Variants in GBE1 observed in about 807,000 individuals in gnomAD.
The protein encoded by GBE1 is 1,4-alpha-glucan branching enzyme 1, also known as 1,4-alpha-glucan-branching enzyme.
GBE1 carries 70 observed loss-of-function variants against 88.8 expected under a neutral mutation model. The ratio of observed to expected loss-of-function variants is 0.79; its 90% CI spans 0.65 to 0.96. The LOEUF (loss-of-function observed/expected upper bound fraction) is 0.96. Ranked by LOEUF, GBE1 falls within the 40% of genes least tolerant of loss-of-function variation. GBE1 has a pLI of 0.00. For synonymous variants in GBE1, 284 were observed against 300.1 expected (o/e 0.95, Z 0.56); for missense variants, 872 against 871.0 (o/e 1.00, Z -0.01).
At chr3:81,584,163 T>C (rs1334015886) in intron 10 of GBE1, among the ~76,000 whole-genome samples, 2 of 152,066 alleles carry the variant, frequency 1.3e-5, no homozygotes, top group African/African-American at 2.4e-5. Context: ...ATTTAGATAG[T>C]CAAATATTTG....
chr3:81,613,356 A>G (rs1024780085), intron 7 of GBE1, among the ~76,000 whole-genome samples: 2 of 152,040 alleles, frequency 1.3e-5, no homozygotes, highest in African/African-American at 4.8e-5. Context: ...GTGGGAAAAA[A>G]GAAAAAACCT....
chr3:81,615,393 A>C (rs1404028862), intron 7 of GBE1, among the ~76,000 whole-genome samples: 1 of 152,194 alleles, frequency 6.6e-6, no homozygotes, highest in Non-Finnish European at 1.5e-5. Context: ...TGTCACTAGA[A>C]GGAATCCTCT....
intron 7 of GBE1, among the ~76,000 whole-genome samples, chr3:81,633,271 T>G (rs1704543292): frequency 6.6e-6 from 1 of 152,138 alleles, no homozygotes. Context: ...ATTGAGACAC[T>G]GGGGGAAGTG....
At chr3:81,569,422 ATT>A (rs959267266) in intron 12 of GBE1, among the ~76,000 whole-genome samples, 3 of 152,350 alleles carry the variant, frequency 2.0e-5, no homozygotes, top group African/African-American at 7.2e-5. Context: ...TTGTTCTGCC[ATT>A]TACATGATAT....
At chr3:81,747,414 C>T (rs1051866519) in intron 1 of GBE1, among the ~76,000 whole-genome samples, 3 of 152,164 alleles carry the variant, frequency 2.0e-5, no homozygotes, top group African/African-American at 7.2e-5. Flanking sequence ...AGCTCAGTAA[C>T]TCAAGCCTGT....
intron 15 of GBE1, among the ~76,000 whole-genome samples, chr3:81,490,943 A>G (rs1362419518): frequency 6.6e-6 from 1 of 152,140 alleles, no homozygotes; most frequent in Non-Finnish European, 1.5e-5. Flanking sequence ...AAACCAATGA[A>G]TAAGCTTGCC....
intron 12 of GBE1, among the ~76,000 whole-genome samples, chr3:81,574,858 A>G (rs1435565749): frequency 6.6e-6 from 1 of 152,166 alleles, no homozygotes; most frequent in Non-Finnish European, 1.5e-5. Flanking sequence ...AATAGATATG[A>G]AGTGTTTTAG....
rs5850531 is a variant in GBE1 at position 81,664,439 on chromosome 3, CAAAA to C, written c.429+6395_429+6398del. On this transcript the variant is annotated intron_variant, in intron 3 of 15. Transcript: ENST00000429644. ...GCAAAAATAGAAAACTTGAATGTGT[CAAAA>C]AAAAAAAAAAAAAAACCTGCCAGCA... Among the ~76,000 whole-genome samples, 5 of 89,540 alleles carry C rather than the reference CAAAA, an allele frequency of 5.6e-5. No homozygotes were observed. In the South Asian group the frequency reaches 1.2e-3, roughly 21 times the overall value. 58.7% of individuals were successfully genotyped at this position (89,540 alleles called of 152,430 possible). A position where few individuals can be genotyped will look rare whatever the true frequency, so the allele number is the denominator to read the frequency against.
At chr3:81,761,091 C>T (rs1315526694) in intron 1 of GBE1, among the ~76,000 whole-genome samples, 1 of 152,256 alleles carries the variant, frequency 6.6e-6, no homozygotes, top group Non-Finnish European at 1.5e-5. Flanking sequence ...GTTGGAGCCA[C>T]AGCACGTACC....
At position 81,577,924 on chromosome 3, in the gene GBE1, C is replaced by T. The variant is rs1703670302; in HGVS notation, c.1618+1G>A. The T allele has an allele frequency of 3.1e-6, 5 of 1,588,950 alleles. No homozygotes were observed. Among genetic ancestry groups the T allele is most frequent in the Non-Finnish European group, 4.3e-6 (5 of 1,171,070 alleles). On this transcript the variant is annotated splice_donor_variant, in intron 12 of 15. Coordinates refer to ENST00000429644, the MANE Select transcript of GBE1 (RefSeq NM_000158.4). LOFTEE classifies it high-confidence loss of function. Reference sequence around the variant, plus strand: ...TGCATATGTGTTTAACTCACACTTACCCATGAAATTGAGATAGCCTTCTCC... The same window carrying T: ...TGCATATGTGTTTAACTCACACTTATCCATGAAATTGAGATAGCCTTCTCC...
rs555637551 is a variant in GBE1 at position 81,554,294 on chromosome 3, A to G, written c.1619-17199T>C. ...CTAATGGAGAACCTTGTAAAAATGT[A>G]TAAATGTTTTGCATGTGAATAAGGC... On this transcript the variant is annotated intron_variant, in intron 12 of 15. Transcript: ENST00000429644. Among the ~76,000 whole-genome samples, 23 of 152,354 alleles carry G rather than the reference A, an allele frequency of 1.5e-4. No individual in the cohort carries two copies. The Middle Eastern group carries it at 0.01, about 68-fold the overall frequency.
chr3:81,494,014 A>G (rs947329887), intron 15 of GBE1, among the ~76,000 whole-genome samples: 9 of 152,070 alleles, frequency 5.9e-5, no homozygotes, highest in African/African-American at 2.2e-4. Context: ...AGACCTCTTA[A>G]TGCAATATGC....
intron 12 of GBE1, among the ~76,000 whole-genome samples, chr3:81,540,876 A>AG (rs1363813181): frequency 2.0e-5 from 3 of 152,026 alleles, no homozygotes; most frequent in African/African-American, 7.2e-5. Context: ...GCCTCTGAAT[A>AG]AGCTCTCAAA....
chr3:81,597,462 A>AAT (rs1288729376), intron 7 of GBE1, among the ~76,000 whole-genome samples: 59 of 139,164 alleles, frequency 4.2e-4, no homozygotes, highest in Admixed American at 8.9e-4. Flanking sequence ...ATATATCTCA[A>AAT]ATATATATAT....
chr3:81,683,621 A>G (rs531343367), intron 2 of GBE1, among the ~76,000 whole-genome samples: 5 of 152,354 alleles, frequency 3.3e-5, no homozygotes, highest in South Asian at 2.1e-4. Context: ...GTGATTACCA[A>G]CTTAAGCAAA....
chr3:81,647,641 C>T (rs950964886), intron 5 of GBE1, among the ~76,000 whole-genome samples: 2 of 152,094 alleles, frequency 1.3e-5, no homozygotes, highest in Non-Finnish European at 2.9e-5. Flanking sequence ...AGTAAATATT[C>T]TTATTCTGCT....
At chr3:81,570,622 T>C (rs1326873129) in intron 12 of GBE1, among the ~76,000 whole-genome samples, 1 of 152,196 alleles carries the variant, frequency 6.6e-6, no homozygotes, top group African/African-American at 2.4e-5. Flanking sequence ...AATTGTAACT[T>C]AGTACTCAAG....
intron 12 of GBE1, among the ~76,000 whole-genome samples, chr3:81,573,493 C>G (rs1344106062): frequency 6.6e-6 from 1 of 152,156 alleles, no homozygotes; most frequent in Non-Finnish European, 1.5e-5. Context: ...GCATGCATTA[C>G]TATAAAGGTA....
intron 7 of GBE1, among the ~76,000 whole-genome samples, chr3:81,604,653 G>A (rs532841840): frequency 2.0e-4 from 31 of 152,130 alleles, no homozygotes; most frequent in Admixed American, 1.3e-3. Context: ...TTTCATAGTC[G>A]TTGGAAATGG....
Sources: allele counts gnomAD v4.1 joint callset (sites outside exome capture counted in the v4.1 genomes callset), GRCh38; gene constraint gnomAD v4.1.1; transcripts MANE v1.5; gene names NCBI Gene and HGNC (gene_info 2026-07-23, HGNC 2026-07-21).